Variants in ELP4 observed in about 807,000 individuals in gnomAD.
The protein encoded by ELP4 is elongator complex protein 4.
A neutral mutation model predicts 48.9 loss-of-function variants in ELP4; 51 were observed. That is an observed-to-expected ratio of 1.04 (90% CI 0.83 to 1.32). The LOEUF is 1.32. ELP4 is among the 40% of genes most tolerant of loss of function. The pLI, the probability that ELP4 is intolerant of heterozygous loss-of-function variation, is 0.00. For synonymous variants in ELP4, 210 were observed against 189.2 expected, an observed-to-expected ratio of 1.11 and a Z score of -0.90; for missense variants, 519 against 514.6, an observed-to-expected ratio of 1.01 and a Z score of -0.08.
chr11:31,648,413 AT>A (rs879740657), intron 8 of ELP4: 228 of 144,076 alleles, frequency 1.6e-3, no homozygotes, highest in Middle Eastern at 3.7e-3. Context: ...ACTTTTGCTT[AT>A]TTTTTTTTTT....
chr11:31,676,459 G>A (rs1336065982), intron 9 of ELP4, among the ~76,000 whole-genome samples: 1 of 152,012 alleles, frequency 6.6e-6, no homozygotes, highest in African/African-American at 2.4e-5. Context: ...TAGGATGTAG[G>A]TTTCACAAGA....
chr11:31,572,630 A>T (rs1592128434), intron 3 of ELP4, among the ~76,000 whole-genome samples: 1 of 152,128 alleles, frequency 6.6e-6, no homozygotes, highest in East Asian at 1.9e-4. Context: ...CTAAGATGTT[A>T]CCAGTTTCTT....
chr11:31,577,488 C>T (rs1320657637), intron 3 of ELP4, among the ~76,000 whole-genome samples: 1 of 151,436 alleles, frequency 6.6e-6, no homozygotes, highest in Non-Finnish European at 1.5e-5. Flanking sequence ...ACAACAACAA[C>T]AAAAAAAGAT....
chr11:31,744,710 C>T (rs1947539805), intron 9 of ELP4, among the ~76,000 whole-genome samples: 1 of 152,152 alleles, frequency 6.6e-6, no homozygotes, highest in Non-Finnish European at 1.5e-5. Flanking sequence ...TAAAAACTCT[C>T]AATAAATTAG....
intron 3 of ELP4, among the ~76,000 whole-genome samples, chr11:31,560,346 T>C (rs912968433): frequency 2.6e-5 from 4 of 152,132 alleles, no homozygotes; most frequent in Admixed American, 1.3e-4. Context: ...AATGTACTTA[T>C]ATTTAGTAAC....
Position 31,787,660 on chromosome 11 carries a change from T to C in ELP4, c.*4136T>C. ...CCTGCAGAAATGTGCTGCTGTGCAG[T>C]GCAGGCTGACACTGAACAAAACTAC... On this transcript the variant is annotated 3_prime_UTR_variant, in exon 10 of 10. Coordinates refer to ENST00000640961, the MANE Select transcript of ELP4 (RefSeq NM_019040.5). The C allele has an allele frequency of 4.3e-6, 1 of 231,656 alleles. No homozygotes were observed. Among genetic ancestry groups the C allele is most frequent in the Non-Finnish European group, 8.5e-6 (1 of 117,064 alleles). 14.4% of individuals were successfully genotyped at this position (231,656 alleles called of 1,614,324 possible).
chr11:31,597,301 G>T (rs1160354439), intron 4 of ELP4, among the ~76,000 whole-genome samples: 1 of 152,078 alleles, frequency 6.6e-6, no homozygotes, highest in Non-Finnish European at 1.5e-5. Flanking sequence ...CTATACATTT[G>T]TTTTAAAAAA....
intron 3 of ELP4, among the ~76,000 whole-genome samples, chr11:31,552,834 T>C (rs1478103295): frequency 6.6e-6 from 1 of 152,120 alleles, no homozygotes; most frequent in Non-Finnish European, 1.5e-5. Context: ...AATATTCTGT[T>C]ACCTCCCCTT....
At chr11:31,743,903 G>A (rs543027138) in intron 9 of ELP4, among the ~76,000 whole-genome samples, 12 of 152,146 alleles carry the variant, frequency 7.9e-5, no homozygotes, top group African/African-American at 1.2e-4. Flanking sequence ...GAGCAGAACT[G>A]AAGGAAATAG....
chr11:31,579,875 G>A (rs1957358268), intron 3 of ELP4, among the ~76,000 whole-genome samples: 1 of 152,012 alleles, frequency 6.6e-6, no homozygotes, highest in African/African-American at 2.4e-5. Flanking sequence ...CATGGCACAT[G>A]TGTACATATG....
chr11:31,560,543 G>A (rs747434587), intron 3 of ELP4, among the ~76,000 whole-genome samples: 39 of 151,348 alleles, frequency 2.6e-4, no homozygotes, highest in Non-Finnish European at 5.3e-4. Flanking sequence ...CCCCTATACA[G>A]TAAACATTTA....
In ELP4 at chr11:31,711,618, A is replaced by T. The variant is rs1946744528; in HGVS notation, c.1143+61397A>T. Among the ~76,000 whole-genome samples the T allele has an allele frequency of 2.0e-5, 3 of 152,078 alleles. No homozygotes were observed. The South Asian group carries it at 6.2e-4, about 32-fold the overall frequency. Reference sequence around the variant, plus strand: ...TTCGAATATTATATATTTTTCTTTTATGTGTATAGATTTAGAAAGCTTATG... The same window carrying T: ...TTCGAATATTATATATTTTTCTTTTTTGTGTATAGATTTAGAAAGCTTATG... On this transcript the variant is annotated intron_variant, in intron 9 of 9. Transcript: ENST00000640961.
Position 31,632,233 on chromosome 11 carries a change from T to A in ELP4, c.755T>A (p.Ile252Asn). The A allele has an allele frequency of 6.3e-7, 1 of 1,598,948 alleles. No homozygotes were observed. Among genetic ancestry groups the A allele is most frequent in the Non-Finnish European group, 8.5e-7 (1 of 1,175,846 alleles). Residue 252 changes from isoleucine to asparagine, a missense_variant, in exon 7 of 10, where the codon ATT becomes AAT. Ile to Asn is a moderately radical substitution (Grantham distance 149, BLOSUM62 -3). Coordinates refer to ENST00000640961, the MANE Select transcript of ELP4 (RefSeq NM_019040.5). ...GSNPQKKQRN[I>N]LRIGIQNLGS... ...TTCTTTTAGAAAAAACAGAGAAACA[T>A]TTTAAGAATAGGAATTCAGAATCTT...
chr11:31,699,596 T>C (rs1483684106), intron 9 of ELP4, among the ~76,000 whole-genome samples: 2 of 152,182 alleles, frequency 1.3e-5, no homozygotes, highest in Non-Finnish European at 2.9e-5. Flanking sequence ...CAATGGAGAC[T>C]GAGGCCTGGC....
At position 31,611,448 on chromosome 11, in the gene ELP4, C is replaced by G. The variant is rs539334895; in HGVS notation, c.653+7541C>G. 3.5e-3 allele frequency among the ~76,000 whole-genome samples: 528 copies of G among 152,274 alleles called. 1 individual carries two copies. The highest frequency in any genetic ancestry group is 6.5e-3 in the Non-Finnish European group (441 of 68,024). Reference sequence around the variant, plus strand: ...CCCCAACTCATTCAGGATAGTAAATCCACGACCCTACAAGGCCTTACCTAA... The same window carrying G: ...CCCCAACTCATTCAGGATAGTAAATGCACGACCCTACAAGGCCTTACCTAA... On this transcript the variant is annotated intron_variant, in intron 5 of 9. Coordinates refer to ENST00000640961, the MANE Select transcript of ELP4 (RefSeq NM_019040.5).
intron 9 of ELP4, among the ~76,000 whole-genome samples, chr11:31,746,199 C>T (rs1303579410): frequency 6.6e-6 from 1 of 152,188 alleles, no homozygotes; most frequent in Non-Finnish European, 1.5e-5. Flanking sequence ...TACCATCTCA[C>T]ACCAGTTAGA....
At chr11:31,565,466 G>A (rs7113393) in intron 3 of ELP4, among the ~76,000 whole-genome samples, 83,212 of 135,174 alleles carry the variant, frequency 0.62, 27,492 homozygotes, top group African/African-American at 0.87. Flanking sequence ...TGTCCTGAAT[G>A]GTATTGCCTA....
rs34919147 is a variant in ELP4, at chr11:31,786,687, T to TAAAA, written c.*3164_*3165insAAAA. 0.71 allele frequency: 160,740 copies of TAAAA among 225,022 alleles called. 58,427 individuals are homozygous for TAAAA. The highest frequency in any genetic ancestry group is 0.79 in the Non-Finnish European group (89,280 of 113,028). 13.9% of individuals were successfully genotyped at this position (225,022 alleles called of 1,614,324 possible). ...TGAATCTTAGGAAACCTAGTGATGA[T>TAAAA]AGTAAGAAGAAATGGCAGTGAGCTG... On this transcript the variant is annotated 3_prime_UTR_variant, in exon 10 of 10. Transcript: ENST00000640961.
At chr11:31,641,287 T>A (rs1945088910) in intron 7 of ELP4, among the ~76,000 whole-genome samples, 2 of 151,890 alleles carry the variant, frequency 1.3e-5, no homozygotes, top group African/African-American at 4.8e-5. Flanking sequence ...ATTATTTCAT[T>A]ACGGGGCATT....
Sources: gnomAD v4.1 joint callset for allele counts (sites outside exome capture counted in the v4.1 genomes callset) on GRCh38, gnomAD v4.1.1 for gene constraint, MANE v1.5 for transcripts, NCBI Gene and HGNC (gene_info 2026-07-23, HGNC 2026-07-21) for gene names.